Variants in SIK3 observed in about 807,000 individuals in gnomAD.
SIK3 encodes SIK family kinase 3.
A neutral mutation model predicts 144.2 loss-of-function variants in SIK3; 28 were observed. The observed-to-expected ratio is 0.19, with a 90% CI of 0.14 to 0.27. SIK3 has a LOEUF of 0.27. SIK3 is among the 10% of genes least tolerant of loss of function. The pLI, the probability that SIK3 is intolerant of heterozygous loss-of-function variation, is 1.00. For missense variants in SIK3, 1,319 were observed against 1,776.0 expected, an observed-to-expected ratio of 0.74 and a Z score of 4.62; for synonymous variants, 686 against 676.3, an observed-to-expected ratio of 1.01 and a Z score of -0.22.
intron 1 of SIK3, among the ~76,000 whole-genome samples, chr11:116,972,180 A>C (rs778042276): frequency 2.6e-5 from 4 of 152,162 alleles, no homozygotes; most frequent in Non-Finnish European, 5.9e-5. Context: ...CTCATTTTAC[A>C]GATGTTTCTG....
chr11:116,902,071 C>A (rs518181), intron 4 of SIK3, among the ~76,000 whole-genome samples: 68,413 of 152,086 alleles, frequency 0.45, 18,701 homozygotes, highest in Non-Finnish European at 0.63. Context: ...CCTCTTCTCT[C>A]CAGTGCAGAG....
At chr11:116,955,674 A>G (rs1034661019) in intron 2 of SIK3, among the ~76,000 whole-genome samples, 4 of 152,286 alleles carry the variant, frequency 2.6e-5, no homozygotes, top group Middle Eastern at 3.4e-3. Context: ...GCCCATCAGG[A>G]TAGGAAGGAA....
intron 1 of SIK3, among the ~76,000 whole-genome samples, chr11:117,031,748 G>A (rs1038096918): frequency 2.4e-4 from 28 of 118,442 alleles, no homozygotes; most frequent in African/African-American, 8.9e-4. Flanking sequence ...TCACCATGTT[G>A]GTCAGGCTGG....
chr11:116,965,376 T>C (rs1399206867), intron 1 of SIK3, among the ~76,000 whole-genome samples: 1 of 151,896 alleles, frequency 6.6e-6, no homozygotes, highest in African/African-American at 2.4e-5. Flanking sequence ...TCAACAATTT[T>C]TTTTTTTTAA....
At chr11:116,865,894 T>C (rs999256063) in intron 15 of SIK3, among the ~76,000 whole-genome samples, 4 of 152,182 alleles carry the variant, frequency 2.6e-5, no homozygotes, top group Admixed American at 6.5e-5. Flanking sequence ...CATCAAGACA[T>C]GCTGGGTTTG....
chr11:116,870,854 G>A (rs1943932689), intron 13 of SIK3, among the ~76,000 whole-genome samples: 1 of 152,144 alleles, frequency 6.6e-6, no homozygotes, highest in African/African-American at 2.4e-5. Context: ...AGCTGGTCAG[G>A]CAAAGAGGGA....
intron 4 of SIK3, among the ~76,000 whole-genome samples, chr11:116,905,746 A>G (rs573301201): frequency 6.6e-6 from 1 of 152,306 alleles, no homozygotes; most frequent in Non-Finnish European, 1.5e-5. Flanking sequence ...TGTGCTTTTC[A>G]GCCATTTGTA....
At chr11:116,895,022 AACTC>A (rs1432898863) in intron 6 of SIK3, among the ~76,000 whole-genome samples, 2 of 152,200 alleles carry the variant, frequency 1.3e-5, no homozygotes, top group African/African-American at 2.4e-5. Context: ...GAAAAAATAA[AACTC>A]AGATTACATC....
chr11:116,979,709 T>C (rs972832968), intron 1 of SIK3, among the ~76,000 whole-genome samples: 4 of 152,022 alleles, frequency 2.6e-5, no homozygotes, highest in African/African-American at 9.7e-5. Context: ...TAGCCAGGCG[T>C]GGTAATGGAC....
chr11:116,876,515 G>C, intron 7 of SIK3, 152 bp from the exon 8 acceptor site: 2 of 682,510 alleles, frequency 2.9e-6, no homozygotes, highest in Non-Finnish European at 5.2e-6. Flanking sequence ...TGAGTGATCA[G>C]CTGTAAACAG....
rs988012857 is a variant in SIK3 at position 116,946,886 on chromosome 11, C to T, written c.454+7158G>A. Among the ~76,000 whole-genome samples the T allele has an allele frequency of 1.3e-4, 20 of 151,920 alleles. No homozygotes were observed. The South Asian group carries it at 2.5e-3, about 19-fold the overall frequency. On this transcript the variant is annotated intron_variant, in intron 3 of 24. Transcript: ENST00000445177. ...ATCCCAGCACTTTGGGAGGCTGAGG[C>T]GGGCAGATCACAAGGTCAGGAGATC...
chr11:117,097,130 A>G (rs540864236), intron 1 of SIK3, among the ~76,000 whole-genome samples: 3 of 152,198 alleles, frequency 2.0e-5, no homozygotes, highest in Non-Finnish European at 4.4e-5. Context: ...AGGCTACATG[A>G]AAGTGCTACC....
At chr11:117,027,319 A>G (rs1159617137) in intron 1 of SIK3, among the ~76,000 whole-genome samples, 1 of 152,234 alleles carries the variant, frequency 6.6e-6, no homozygotes, top group Admixed American at 6.5e-5. Context: ...GTCAAACCAC[A>G]TTCAAAAATA....
chr11:116,911,490 C>CA (rs1555091772), intron 4 of SIK3, among the ~76,000 whole-genome samples: 1 of 151,090 alleles, frequency 6.6e-6, no homozygotes, highest in Non-Finnish European at 1.5e-5. Context: ...CTGGGCAAGA[C>CA]AGAGCCAGAC....
intron 1 of SIK3, chr11:117,035,670 T>A: frequency 1.5e-6 from 1 of 673,346 alleles, no homozygotes; most frequent in Admixed American, 2.5e-5. Flanking sequence ...TCCTCCCACC[T>A]TAGCCTCCAG....
intron 1 of SIK3, among the ~76,000 whole-genome samples, chr11:116,983,923 C>T (rs576216366): frequency 5.5e-4 from 83 of 151,964 alleles, no homozygotes; most frequent in African/African-American, 1.4e-3. Flanking sequence ...TGGTGGCACA[C>T]GCCTGTAGTC....
chr11:117,042,931 G>C (rs1952810020), intron 1 of SIK3, among the ~76,000 whole-genome samples: 2 of 152,188 alleles, frequency 1.3e-5, no homozygotes, highest in South Asian at 4.1e-4. Flanking sequence ...AGCTGCCACA[G>C]TGAAAGATTA....
intron 19 of SIK3, 149 bp from the exon 20 acceptor site, chr11:116,859,753 G>A (rs2134409144): frequency 2.9e-6 from 2 of 683,160 alleles, no homozygotes; most frequent in South Asian, 1.9e-5. Flanking sequence ...TGGAGAACTT[G>A]TTAAACAGAA....
At chr11:116,904,381 T>C (rs1945909708) in intron 4 of SIK3, among the ~76,000 whole-genome samples, 1 of 152,090 alleles carries the variant, frequency 6.6e-6, no homozygotes, top group Non-Finnish European at 1.5e-5. Flanking sequence ...AAATAAAGAG[T>C]GCACAGCAGC....
Sources: allele counts gnomAD v4.1 joint callset (sites outside exome capture counted in the v4.1 genomes callset), GRCh38; gene constraint gnomAD v4.1.1; transcripts MANE v1.5; gene names NCBI Gene and HGNC (gene_info 2026-07-23, HGNC 2026-07-21).